The following STAG1 variants were observed in gnomAD, a reference collection of about 807,000 sequenced individuals.
STAG1 encodes cohesin subunit SA-1.
A neutral mutation model predicts 170.9 loss-of-function variants in STAG1; 26 were observed. The observed-to-expected ratio is 0.15, with a 90% CI of 0.11 to 0.21. STAG1 has a LOEUF of 0.21. STAG1 is among the 10% of genes least tolerant of loss of function. The pLI is 1.00. For missense variants in STAG1, 964 were observed against 1,509.5 expected, an observed-to-expected ratio of 0.64 and a Z score of 5.99; for synonymous variants, 514 against 497.7, an observed-to-expected ratio of 1.03 and a Z score of -0.44.
intron 1 of STAG1, among the ~76,000 whole-genome samples, chr3:136,636,805 A>T (rs1940579118): frequency 6.6e-6 from 1 of 152,212 alleles, no homozygotes; most frequent in Admixed American, 6.5e-5. Context: ...TTATTTACCC[A>T]ATTATTCCAG....
intron 9 of STAG1, among the ~76,000 whole-genome samples, chr3:136,481,718 T>C (rs2089909489): frequency 2.0e-5 from 2 of 101,520 alleles, no homozygotes; most frequent in African/African-American, 7.5e-5. Context: ...CCTGGACTCT[T>C]TTTGGTTGGT....
intron 15 of STAG1, among the ~76,000 whole-genome samples, chr3:136,443,053 T>G (rs1031757582): frequency 2.6e-5 from 4 of 152,158 alleles, no homozygotes; most frequent in Non-Finnish European, 5.9e-5. Flanking sequence ...TTTTGACTAT[T>G]ACATGACACG....
At chr3:136,725,606 T>C (rs1191555845) in intron 1 of STAG1, among the ~76,000 whole-genome samples, 2 of 152,196 alleles carry the variant, frequency 1.3e-5, no homozygotes, top group Non-Finnish European at 2.9e-5. Flanking sequence ...TAGATGAAGC[T>C]GTATTATGTT....
chr3:136,726,891 T>C (rs1336106235), intron 1 of STAG1, among the ~76,000 whole-genome samples: 1 of 152,220 alleles, frequency 6.6e-6, no homozygotes, highest in African/African-American at 2.4e-5. Flanking sequence ...TCCTGCATTA[T>C]GTTCCCTCTA....
At chr3:136,559,387 A>G (rs1487840847) in intron 5 of STAG1, among the ~76,000 whole-genome samples, 2 of 152,182 alleles carry the variant, frequency 1.3e-5, no homozygotes, top group Admixed American at 1.3e-4. Context: ...AAGAAAAATA[A>G]CAATTAAAAA....
At chr3:136,740,973 G>A (rs574248593) in intron 1 of STAG1, among the ~76,000 whole-genome samples, 1 of 152,288 alleles carries the variant, frequency 6.6e-6, no homozygotes, top group South Asian at 2.1e-4. Context: ...GGGAAACTGA[G>A]AAAATTCACT....
chr3:136,639,185 G>GAAAA (rs10681540), intron 1 of STAG1, among the ~76,000 whole-genome samples: 1 of 115,618 alleles, frequency 8.6e-6, no homozygotes, highest in African/African-American at 2.9e-5. Context: ...AAAGAAAAAA[G>GAAAA]AAAAGAAAAA....
chr3:136,440,649 G>A (rs879299401), intron 15 of STAG1, among the ~76,000 whole-genome samples: 2 of 152,060 alleles, frequency 1.3e-5, no homozygotes, highest in South Asian at 2.1e-4. Flanking sequence ...GTAGACATTA[G>A]AGGGAAATTG....
chr3:136,338,221 T>C lies in STAG1; in HGVS notation c.*33A>G, dbSNP rs199901285. 7.2e-6 allele frequency: 11 copies of C among 1,522,048 alleles called. No homozygotes were observed. Among genetic ancestry groups the C allele is most frequent in the East Asian group, 4.5e-5 (2 of 44,422 alleles). 94.3% of individuals were successfully genotyped at this position (1,522,048 alleles called of 1,614,324 possible). Reference sequence around the variant, plus strand: ...TATATAGGCCTCTAGCTCTAAATAATAGAGTTCCAGATTTGTAAATTTTCT... The same window carrying C: ...TATATAGGCCTCTAGCTCTAAATAACAGAGTTCCAGATTTGTAAATTTTCT... On this transcript the variant is annotated 3_prime_UTR_variant, in exon 34 of 34. Transcript: ENST00000383202.
At chr3:136,669,994 A>G (rs1477297965) in intron 1 of STAG1, among the ~76,000 whole-genome samples, 1 of 152,260 alleles carries the variant, frequency 6.6e-6, no homozygotes, top group African/African-American at 2.4e-5. Context: ...GTTTTCAGGA[A>G]ATTTTCAATG....
chr3:136,604,187 A>T, intron 4 of STAG1, 122 bp downstream of exon 4: 1 of 847,852 alleles, frequency 1.2e-6, no homozygotes, highest in Non-Finnish European at 1.7e-6. Flanking sequence ...CTTTCAGGAT[A>T]AACTGAAAGG....
chr3:136,471,071 C>T (rs1405901500), intron 12 of STAG1, among the ~76,000 whole-genome samples: 4 of 150,148 alleles, frequency 2.7e-5, no homozygotes, highest in African/African-American at 9.8e-5. Context: ...CACATGTATA[C>T]ATATGTAACA....
intron 16 of STAG1, among the ~76,000 whole-genome samples, chr3:136,430,518 AC>A (rs1164486657): frequency 1.3e-5 from 2 of 151,660 alleles, no homozygotes; most frequent in African/African-American, 2.4e-5. Context: ...ATAATTATCT[AC>A]TTAAATCAGG....
rs573395818 is a variant in STAG1, at chr3:136,575,991, T to C, written c.298-7130A>G. Among the ~76,000 whole-genome samples the C allele has an allele frequency of 1.2e-4, 19 of 152,330 alleles. No homozygotes were observed. The South Asian group carries it at 3.7e-3, about 30-fold the overall frequency. Reference sequence around the variant, plus strand: ...CTCTGCCAAAAACTGCCCCTCTGCCTACTAATATTTATATGCTGCCTTCCT... The same window carrying C: ...CTCTGCCAAAAACTGCCCCTCTGCCCACTAATATTTATATGCTGCCTTCCT... On this transcript the variant is annotated intron_variant, in intron 4 of 33. Transcript: ENST00000383202.
intron 3 of STAG1, among the ~76,000 whole-genome samples, chr3:136,612,367 G>A (rs1939340469): frequency 6.6e-6 from 1 of 152,006 alleles, no homozygotes. Context: ...CGTACATTGA[G>A]AGGACAAGGC....
intron 1 of STAG1, among the ~76,000 whole-genome samples, chr3:136,665,424 T>C (rs1384940578): frequency 6.6e-6 from 1 of 152,124 alleles, no homozygotes; most frequent in Non-Finnish European, 1.5e-5. Context: ...GTTACAGACT[T>C]TAAAATAAGG....
intron 1 of STAG1, among the ~76,000 whole-genome samples, chr3:136,731,262 A>C (rs947680392): frequency 1.3e-5 from 2 of 152,296 alleles, no homozygotes; most frequent in Non-Finnish European, 2.9e-5. Flanking sequence ...AAAAAGCAAT[A>C]CAGAATGTTT....
intron 1 of STAG1, among the ~76,000 whole-genome samples, chr3:136,679,728 T>TAAA (rs61069088): frequency 1.7e-5 from 2 of 117,706 alleles, no homozygotes; most frequent in Non-Finnish European, 3.4e-5. Context: ...GACTCCGTCT[T>TAAA]AAAAAAAAAA....
intron 26 of STAG1, among the ~76,000 whole-genome samples, chr3:136,360,023 C>T (rs1373256088): frequency 6.6e-6 from 1 of 152,098 alleles, no homozygotes; most frequent in Non-Finnish European, 1.5e-5. Context: ...TTTTCCCACC[C>T]AGTAACAAAA....
Sources: allele counts gnomAD v4.1 joint callset (sites outside exome capture counted in the v4.1 genomes callset), GRCh38; gene constraint gnomAD v4.1.1; transcripts MANE v1.5; gene names NCBI Gene and HGNC (gene_info 2026-07-23, HGNC 2026-07-21).